ANKRD17: variants seen among roughly 807,000 people sequenced by gnomAD.
The protein encoded by ANKRD17 is ankyrin repeat domain 17, also known as ankyrin repeat domain-containing protein 17.
In ANKRD17, 19 loss-of-function variants were observed where a neutral mutation model predicts 229.7. The ratio of observed to expected loss-of-function variants is 0.08; its 90% CI spans 0.06 to 0.12. ANKRD17 has a LOEUF of 0.12. ANKRD17 is among the 10% of genes least tolerant of loss of function. The probability of loss-of-function intolerance (pLI) is 1.00; values close to 1 mark genes in which losing one functional copy is unlikely to be tolerated. For missense variants in ANKRD17, 2,176 were observed against 3,176.8 expected, an observed-to-expected ratio of 0.68 and a Z score of 7.57; for synonymous variants, 1,112 against 1,146.1, an observed-to-expected ratio of 0.97 and a Z score of 0.60.
intron 1 of ANKRD17, among the ~76,000 whole-genome samples, chr4:73,204,141 G>A (rs1739101859): frequency 1.3e-5 from 2 of 151,904 alleles, no homozygotes; most frequent in Admixed American, 6.6e-5. Flanking sequence ...GGGCGATCAC[G>A]AGGTCAGGTC....
At chr4:73,082,521 C>T (rs1721680375) in intron 30 of ANKRD17, among the ~76,000 whole-genome samples, 1 of 151,736 alleles carries the variant, frequency 6.6e-6, no homozygotes, top group South Asian at 2.1e-4. Flanking sequence ...GAGGAGAGAA[C>T]AAAAAGTGCT....
Position 73,142,765 on chromosome 4 carries a change from C to A in ANKRD17, c.1960G>T (p.Ala654Ser). 1 of 1,600,022 alleles carries A rather than the reference C, an allele frequency of 6.2e-7. No individual in the cohort carries two copies. The highest frequency in any genetic ancestry group is 8.5e-7 in the Non-Finnish European group (1 of 1,173,950). The change falls in exon 12 of 34, where the codon GCG (alanine) becomes TCG (serine). Residue 654 changes from alanine (A) to serine (S), a missense_variant and splice_region_variant. Around this residue, in one of 18 missense-constraint regions of ANKRD17, gnomAD observed 275 missense variants for 386.9 expected, o/e 0.71. Transcript: ENST00000358602. The part of the protein sequence containing the change: ...CTVQFLISKG[A>S]NVNRTTANND... ...TTAGCTGTGGTTCTATTCACATTCGCTCCTAAAACAGAAAAGGCATGGAAA... is the reference window on the plus strand; with the variant it reads ...TTAGCTGTGGTTCTATTCACATTCGATCCTAAAACAGAAAAGGCATGGAAA...
chr4:73,151,558 A>G, intron 6 of ANKRD17, 34 bp from the exon 7 acceptor site: 1 of 1,365,314 alleles, frequency 7.3e-7, no homozygotes, highest in Non-Finnish European at 9.8e-7. Flanking sequence ...ACTTGAAAAT[A>G]TTTTATTATT....
At chr4:73,244,237 T>G (rs1304517470) in intron 1 of ANKRD17, among the ~76,000 whole-genome samples, 1 of 152,146 alleles carries the variant, frequency 6.6e-6, no homozygotes, top group Non-Finnish European at 1.5e-5. Context: ...TCTGAAATAC[T>G]TGGGGTTAGG....
chr4:73,210,989 T>A (rs1465484721), intron 1 of ANKRD17, among the ~76,000 whole-genome samples: 3 of 152,154 alleles, frequency 2.0e-5, no homozygotes, highest in Non-Finnish European at 4.4e-5. Context: ...TTTGTATTTT[T>A]ATTTTTTTAG....
chr4:73,236,695 A>G (rs577806458), intron 1 of ANKRD17, among the ~76,000 whole-genome samples: 2 of 152,318 alleles, frequency 1.3e-5, no homozygotes, highest in South Asian at 2.1e-4. Flanking sequence ...AAAATAGTAT[A>G]TAAGAATTAA....
intron 1 of ANKRD17, among the ~76,000 whole-genome samples, chr4:73,188,365 T>C (rs1287893082): frequency 6.6e-6 from 1 of 152,074 alleles, no homozygotes; most frequent in Non-Finnish European, 1.5e-5. Context: ...GGTAGGCGGA[T>C]CATGAGGTCA....
At position 73,091,717 on chromosome 4, in the gene ANKRD17, T is replaced by C; in HGVS notation, c.5911A>G (p.Thr1971Ala). Residue 1971 changes from threonine to alanine, a missense_variant, in exon 29 of 34, where the codon ACT (threonine) becomes GCT (alanine). By Grantham distance (58) the Thr-to-Ala change is moderately conservative (BLOSUM62 0). This residue lies in a region of ANKRD17 where 424 missense variants were observed against 454.0 expected (regional missense o/e 0.93). Transcript: ENST00000358602. ...SAGSLTSSPT[T>A]TTSSSASTVP... is the part of the protein sequence containing the mutation. ...GTTGAAGCTGATGAACTGGTTGTAG[T>C]TGTTGGGCTTGAAGTTAAAGAACCT... 2 of 1,614,140 alleles carry C rather than the reference T, an allele frequency of 1.2e-6. No homozygotes were observed. Among genetic ancestry groups the C allele is most frequent in the South Asian group, 1.1e-5 (1 of 91,072 alleles).
intron 29 of ANKRD17, among the ~76,000 whole-genome samples, chr4:73,090,288 T>C (rs1268754248): frequency 6.6e-6 from 1 of 152,134 alleles, no homozygotes; most frequent in Non-Finnish European, 1.5e-5. Context: ...TGCACGTCTG[T>C]AATCCCAGCT....
intron 1 of ANKRD17, among the ~76,000 whole-genome samples, chr4:73,206,967 GAGCCTGCCACCA>G (rs1560722955): frequency 6.6e-6 from 1 of 152,056 alleles, no homozygotes; most frequent in Non-Finnish European, 1.5e-5. Flanking sequence ...GGGATTACAG[GAGCCTGCCACCA>G]AGCCTGGCTA....
chr4:73,204,022 G>A (rs531428898), intron 1 of ANKRD17, among the ~76,000 whole-genome samples: 42 of 152,036 alleles, frequency 2.8e-4, no homozygotes, highest in Admixed American at 1.4e-3. Flanking sequence ...TCAAAAGAAG[G>A]AAAACCAGAA....
intron 24 of ANKRD17, chr4:73,113,057 G>A (rs1261134426): frequency 5.3e-6 from 6 of 1,129,252 alleles, no homozygotes; most frequent in Admixed American, 4.1e-5. Flanking sequence ...CAAAGTGCTG[G>A]GAATACAGGC....
rs552514610 is a variant in ANKRD17 at position 73,195,901 on chromosome 4, TAC to T, written c.394-18370_394-18369del. On this transcript the variant is annotated intron_variant, in intron 1 of 33. Transcript: ENST00000358602. The stretch of plus-strand genomic sequence containing the variant: ...ATATGGGTGGGATGGGAGGCAACAT[TAC>T]ATTTTTTCACTGCCAGTGTTAATAA... Among the ~76,000 whole-genome samples, 7 of 152,274 alleles carry T rather than the reference TAC, an allele frequency of 4.6e-5. 1 individual carries two copies. In the South Asian group the frequency reaches 1.5e-3, roughly 32 times the overall value.
At chr4:73,133,995 T>C (rs1728580195) in intron 16 of ANKRD17, among the ~76,000 whole-genome samples, 1 of 152,224 alleles carries the variant, frequency 6.6e-6, no homozygotes, top group South Asian at 2.1e-4. Context: ...CTACATCATG[T>C]ATGTGGTCTG....
intron 16 of ANKRD17, among the ~76,000 whole-genome samples, chr4:73,129,761 C>CTTTT (rs768232283): frequency 7.5e-6 from 1 of 134,162 alleles, no homozygotes; most frequent in Non-Finnish European, 1.6e-5. Flanking sequence ...CTATTAATTA[C>CTTTT]TTTTTTTTTT....
Position 73,076,293 on chromosome 4 carries a change from A to G in ANKRD17, c.7753-3T>C, listed in dbSNP as rs1186417331. ...GGTGCCCAGGGTCCAGTCCACACCTATGAATATAGAGCATGCATTTTACAA... is the reference window on the plus strand; with the variant it reads ...GGTGCCCAGGGTCCAGTCCACACCTGTGAATATAGAGCATGCATTTTACAA... On this transcript the variant is annotated splice_polypyrimidine_tract_variant and splice_region_variant and intron_variant, in intron 33 of 33. Transcript: ENST00000358602. 2 of 1,591,116 alleles carry G rather than the reference A, an allele frequency of 1.3e-6. No individual in the cohort carries two copies. The highest frequency in any genetic ancestry group is 1.4e-5 in the African/African-American group (1 of 73,718).
intron 10 of ANKRD17, among the ~76,000 whole-genome samples, chr4:73,145,683 T>C (rs1730176859): frequency 6.6e-6 from 1 of 152,140 alleles, no homozygotes; most frequent in Admixed American, 6.6e-5. Context: ...ACACTAGGAA[T>C]ACAGTTCTTA....
intron 3 of ANKRD17, among the ~76,000 whole-genome samples, chr4:73,159,286 T>C (rs1260875086): frequency 6.6e-6 from 1 of 152,226 alleles, no homozygotes; most frequent in Non-Finnish European, 1.5e-5. Context: ...GCATACCTTT[T>C]CTCTCTTTCA....
Position 73,092,312 on chromosome 4 carries a change from G to C in ANKRD17, c.5328-12C>G. 1.9e-6 allele frequency: 3 copies of C among 1,567,386 alleles called. No individual in the cohort carries two copies. The highest frequency in any genetic ancestry group is 1.7e-6 in the Non-Finnish European group (2 of 1,161,674). ...ATTCAGTGCCACCCCTATAAATTGA[G>C]AAAAAAAAATTAGGTAGAATTTTCC... On this transcript the variant is annotated splice_polypyrimidine_tract_variant and intron_variant, in intron 28 of 33. Transcript: ENST00000358602.
Sources: gnomAD v4.1 joint callset for allele counts (sites outside exome capture counted in the v4.1 genomes callset) on GRCh38, gnomAD v4.1.1 for gene constraint, gnomAD v4.1.1 regional missense constraint, MANE v1.5 for transcripts, NCBI Gene and HGNC (gene_info 2026-07-23, HGNC 2026-07-21) for gene names.